Variants in ARHGAP31 observed in about 807,000 individuals in gnomAD.
ARHGAP31 encodes Rho GTPase activating protein 31, also known as rho GTPase-activating protein 31.
Under a neutral mutation model 113.9 loss-of-function variants are expected in ARHGAP31, and 34 were observed. That is an observed-to-expected ratio of 0.30 (90% CI 0.23 to 0.40). The LOEUF is 0.40. Ranked by LOEUF, ARHGAP31 falls within the 10% of genes least tolerant of loss-of-function variation. ARHGAP31 has a pLI of 1.00. For synonymous variants in ARHGAP31, 650 were observed against 684.8 expected, an observed-to-expected ratio of 0.95 and a Z score of 0.79; for missense variants, 1,548 against 1,767.1, an observed-to-expected ratio of 0.88 and a Z score of 2.22.
chr3:119,309,443 C>T (rs191472810), intron 1 of ARHGAP31, among the ~76,000 whole-genome samples: 1 of 152,276 alleles, frequency 6.6e-6, no homozygotes, highest in East Asian at 1.9e-4. Flanking sequence ...TCTCTGAAAA[C>T]AGCCCTAGGA....
At chr3:119,374,988 G>A (rs147181618) in intron 3 of ARHGAP31, among the ~76,000 whole-genome samples, 3 of 152,198 alleles carry the variant, frequency 2.0e-5, no homozygotes, top group Non-Finnish European at 4.4e-5. Context: ...GGTGCTTGGA[G>A]GCCCTGATCA....
At chr3:119,360,805 A>G (rs2107620660) in intron 1 of ARHGAP31, among the ~76,000 whole-genome samples, 1 of 152,298 alleles carries the variant, frequency 6.6e-6, no homozygotes, top group African/African-American at 2.4e-5. Context: ...AGGAAAAACA[A>G]AACAAAACAA....
intron 1 of ARHGAP31, among the ~76,000 whole-genome samples, chr3:119,359,638 C>T (rs557884385): frequency 1.4e-4 from 21 of 151,650 alleles, no homozygotes; most frequent in Non-Finnish European, 2.8e-4. Flanking sequence ...TCGCAGAGGC[C>T]AGGGAGGAGC....
At chr3:119,398,283 T>A (rs2080568972) in intron 8 of ARHGAP31, among the ~76,000 whole-genome samples, 1 of 151,926 alleles carries the variant, frequency 6.6e-6, no homozygotes, top group Non-Finnish European at 1.5e-5. Context: ...AATAAATAAA[T>A]AAAAATAAAT....
At chr3:119,326,862 G>A (rs2079848547) in intron 1 of ARHGAP31, among the ~76,000 whole-genome samples, 1 of 152,170 alleles carries the variant, frequency 6.6e-6, no homozygotes, top group African/African-American at 2.4e-5. Context: ...TTTCTGTCAG[G>A]TGGGTTGGCT....
At chr3:119,343,722 C>T (rs569636573) in intron 1 of ARHGAP31, among the ~76,000 whole-genome samples, 1 of 152,334 alleles carries the variant, frequency 6.6e-6, no homozygotes, top group South Asian at 2.1e-4. Flanking sequence ...GATTTCAAGG[C>T]TGGCTTCTTC....
intron 4 of ARHGAP31, among the ~76,000 whole-genome samples, chr3:119,381,985 C>CAAA (rs10719267): frequency 8.9e-4 from 55 of 62,004 alleles, no homozygotes; most frequent in African/African-American, 1.7e-3. Context: ...GACTCCGTCT[C>CAAA]AAAAAAAAAA....
At chr3:119,378,062 G>A (rs1458343567) in intron 3 of ARHGAP31, among the ~76,000 whole-genome samples, 2 of 152,094 alleles carry the variant, frequency 1.3e-5, no homozygotes, top group Non-Finnish European at 2.9e-5. Flanking sequence ...TCCAAGGGCA[G>A]GAAGCTGGCC....
intron 6 of ARHGAP31, among the ~76,000 whole-genome samples, chr3:119,387,363 G>A (rs1430187279): frequency 7.2e-5 from 11 of 152,292 alleles, no homozygotes; most frequent in Admixed American, 3.9e-4. Flanking sequence ...ATTATAGAGC[G>A]AGGATTATTA....
intron 1 of ARHGAP31, among the ~76,000 whole-genome samples, chr3:119,336,932 T>C (rs1250846258): frequency 2.0e-5 from 3 of 152,246 alleles, no homozygotes; most frequent in Non-Finnish European, 4.4e-5. Context: ...GTTTCTGGCT[T>C]CTTACATTTA....
At chr3:119,337,096 T>A (rs1366280737) in intron 1 of ARHGAP31, among the ~76,000 whole-genome samples, 1 of 152,226 alleles carries the variant, frequency 6.6e-6, no homozygotes, top group African/African-American at 2.4e-5. Context: ...CTGTTGTGAA[T>A]AATGGTGCTG....
intron 1 of ARHGAP31, among the ~76,000 whole-genome samples, chr3:119,341,063 T>C (rs1559973062): frequency 1.3e-5 from 2 of 152,172 alleles, no homozygotes; most frequent in African/African-American, 4.8e-5. Flanking sequence ...AAGGTACTCA[T>C]AAATATTTGC....
chr3:119,320,396 C>G (rs1378349623), intron 1 of ARHGAP31, among the ~76,000 whole-genome samples: 6 of 152,170 alleles, frequency 3.9e-5, no homozygotes, highest in Admixed American at 3.9e-4. Flanking sequence ...CCAAAATAAG[C>G]ATACTCATCC....
intron 3 of ARHGAP31, among the ~76,000 whole-genome samples, chr3:119,371,025 A>C (rs999279144): frequency 1.3e-5 from 2 of 152,216 alleles, no homozygotes; most frequent in Non-Finnish European, 2.9e-5. Context: ...CTGAATCAAC[A>C]AAAAATAATA....
At chr3:119,307,960 A>AAAAAAAAAAAAAAAT (rs2079645557) in intron 1 of ARHGAP31, among the ~76,000 whole-genome samples, 1 of 150,084 alleles carries the variant, frequency 6.7e-6, no homozygotes, top group African/African-American at 2.4e-5. Context: ...AAAAAAAAAA[A>AAAAAAAAAAAAAAAT]GCTCAATCTT....
intron 6 of ARHGAP31, among the ~76,000 whole-genome samples, chr3:119,389,719 A>G (rs2080487805): frequency 6.6e-6 from 1 of 152,220 alleles, no homozygotes; most frequent in Non-Finnish European, 1.5e-5. Context: ...CTTTCTGAAA[A>G]TACAGTGAGT....
At chr3:119,389,092 C>T (rs1219960318) in intron 6 of ARHGAP31, among the ~76,000 whole-genome samples, 5 of 152,000 alleles carry the variant, frequency 3.3e-5, no homozygotes, top group Non-Finnish European at 4.4e-5. Context: ...ACCCAGGAGT[C>T]GGAGGTTGCA....
At chr3:119,310,308 T>A (rs977578367) in intron 1 of ARHGAP31, among the ~76,000 whole-genome samples, 1 of 152,206 alleles carries the variant, frequency 6.6e-6, no homozygotes, top group African/African-American at 2.4e-5. Flanking sequence ...AACAACATTC[T>A]GTGGTCACCC....
chr3:119,384,100 A>AT (rs149979076), intron 6 of ARHGAP31, among the ~76,000 whole-genome samples: 5 of 152,208 alleles, frequency 3.3e-5, no homozygotes, highest in East Asian at 1.9e-4. Context: ...TCTGCAATAT[A>AT]TTTTTTAGCT....
Sources: gnomAD v4.1 joint callset for allele counts (sites outside exome capture counted in the v4.1 genomes callset) on GRCh38, gnomAD v4.1.1 for gene constraint, MANE v1.5 for transcripts, NCBI Gene and HGNC (gene_info 2026-07-23, HGNC 2026-07-21) for gene names.